The following STK32B variants were observed in gnomAD, a reference collection of about 807,000 sequenced individuals.
STK32B encodes the protein serine/threonine-protein kinase 32B.
In STK32B, 43 loss-of-function variants were observed where a neutral mutation model predicts 52.6. The ratio of observed to expected loss-of-function variants is 0.82; its 90% CI spans 0.64 to 1.05. The LOEUF is 1.05. STK32B is among the 50% of genes least tolerant of loss of function. The probability of loss-of-function intolerance (pLI) is 0.00; values close to 1 mark genes in which losing one functional copy is unlikely to be tolerated. For synonymous variants in STK32B, 238 were observed against 204.3 expected, an observed-to-expected ratio of 1.17 and a Z score of -1.41; for missense variants, 621 against 534.6, an observed-to-expected ratio of 1.16 and a Z score of -1.59.
At chr4:5,163,329 A>G (rs1488956564) in intron 2 of STK32B, among the ~76,000 whole-genome samples, 1 of 152,146 alleles carries the variant, frequency 6.6e-6, no homozygotes, top group Non-Finnish European at 1.5e-5. Context: ...GGGATTTATA[A>G]TACAGTGTGT....
rs1423913776 is a variant in STK32B, at chr4:5,240,226, CA to C, written c.260+71777del. Among the ~76,000 whole-genome samples the C allele has an allele frequency of 5.3e-5, 8 of 152,150 alleles. No homozygotes were observed. The South Asian group carries it at 1.5e-3, about 28-fold the overall frequency. ...AAATAGTTCTTCTGTAGTATTCTGT[CA>C]TCCCCGAGACTCCTACCACACATGT... On this transcript the variant is annotated intron_variant, in intron 3 of 11. Transcript: ENST00000282908.
intron 6 of STK32B, among the ~76,000 whole-genome samples, chr4:5,427,452 C>A (rs1463455278): frequency 6.6e-6 from 1 of 152,078 alleles, no homozygotes; most frequent in African/African-American, 2.4e-5. Flanking sequence ...AAAAAATATG[C>A]CCAAGATTGG....
intron 1 of STK32B, among the ~76,000 whole-genome samples, chr4:5,100,718 C>T (rs1200462978): frequency 2.5e-5 from 1 of 40,622 alleles, no homozygotes; most frequent in South Asian, 1.0e-3. Flanking sequence ...TTCTTCCTTC[C>T]CTCCTTCCCT....
intron 6 of STK32B, among the ~76,000 whole-genome samples, chr4:5,426,646 C>T (rs371390543): frequency 7.9e-6 from 1 of 126,038 alleles, no homozygotes; most frequent in East Asian, 2.4e-4. Context: ...GCCAAGATCG[C>T]ATCACTGCAC....
intron 3 of STK32B, among the ~76,000 whole-genome samples, chr4:5,246,724 A>G (rs778963031): frequency 9.9e-5 from 15 of 152,108 alleles, no homozygotes; most frequent in Non-Finnish European, 1.8e-4. Flanking sequence ...TTGGTCTTTG[A>G]TGATGGTGAC....
intron 11 of STK32B, among the ~76,000 whole-genome samples, chr4:5,495,406 A>T (rs1161328823): frequency 6.6e-6 from 1 of 151,980 alleles, no homozygotes; most frequent in African/African-American, 2.4e-5. Context: ...GTAGTTCTCG[A>T]GCCTTGGCTT....
intron 11 of STK32B, among the ~76,000 whole-genome samples, chr4:5,481,486 C>G (rs1718703454): frequency 6.6e-6 from 1 of 151,918 alleles, no homozygotes. Flanking sequence ...GAATATTAGC[C>G]CATTGTCAGA....
intron 2 of STK32B, among the ~76,000 whole-genome samples, chr4:5,148,109 G>A (rs1046500915): frequency 1.2e-4 from 18 of 151,650 alleles, no homozygotes; most frequent in Admixed American, 3.3e-4. Context: ...GTGTTTTTTC[G>A]TATATAACTT....
chr4:5,343,151 C>T (rs547437526), intron 4 of STK32B, among the ~76,000 whole-genome samples: 63 of 146,740 alleles, frequency 4.3e-4, no homozygotes, highest in Non-Finnish European at 8.2e-4. Context: ...TTCCTGTGTC[C>T]GTGTGTTCTC....
At chr4:5,180,288 G>A (rs1376364322) in intron 3 of STK32B, among the ~76,000 whole-genome samples, 1 of 152,208 alleles carries the variant, frequency 6.6e-6, no homozygotes, top group Non-Finnish European at 1.5e-5. Flanking sequence ...GTTCTTACAG[G>A]TGGCTGGCCA....
At chr4:5,485,930 C>G (rs1719152335) in intron 11 of STK32B, among the ~76,000 whole-genome samples, 1 of 152,196 alleles carries the variant, frequency 6.6e-6, no homozygotes, top group African/African-American at 2.4e-5. Context: ...ATGTTGCTGC[C>G]TGATCATTCC....
intron 3 of STK32B, among the ~76,000 whole-genome samples, chr4:5,313,952 G>A (rs1018707428): frequency 6.6e-6 from 1 of 152,040 alleles, no homozygotes; most frequent in African/African-American, 2.4e-5. Flanking sequence ...TAAATAAGTG[G>A]GGAAACACAT....
At chr4:5,439,857 G>C (rs1287056235) in intron 6 of STK32B, among the ~76,000 whole-genome samples, 1 of 151,826 alleles carries the variant, frequency 6.6e-6, no homozygotes, top group African/African-American at 2.4e-5. Flanking sequence ...TTATTAAATA[G>C]GGAATCCTTT....
At chr4:5,239,298 C>T (rs1342778860) in intron 3 of STK32B, among the ~76,000 whole-genome samples, 1 of 152,096 alleles carries the variant, frequency 6.6e-6, no homozygotes, top group African/African-American at 2.4e-5. Flanking sequence ...GCAAATAATG[C>T]ATGGGTGGGA....
chr4:5,045,810 A>G, the STK32B span, among the ~76,000 whole-genome samples: 1 of 152,116 alleles, frequency 6.6e-6, no homozygotes, highest in Non-Finnish European at 1.5e-5. Context: ...TTTGGGGCTG[A>G]GATGATGGGG....
In STK32B at chr4:5,051,649, G is replaced by A. The variant is rs868379386; in HGVS notation, c.-215G>A. 1 of 552,916 alleles carries A rather than the reference G, an allele frequency of 1.8e-6. No individual in the cohort carries two copies. Among genetic ancestry groups the A allele is most frequent in the South Asian group, 2.5e-5 (1 of 39,558 alleles). 34.3% of individuals were successfully genotyped at this position (552,916 alleles called of 1,614,324 possible). ...GGCGGGGCACGGCGGAAGGCGCGGCGAGAGCGGGGTCCCTGCGAGCGCAGT... is the reference window on the plus strand; with the variant it reads ...GGCGGGGCACGGCGGAAGGCGCGGCAAGAGCGGGGTCCCTGCGAGCGCAGT... On this transcript the variant is annotated 5_prime_UTR_variant, in exon 1 of 12. Transcript: ENST00000282908.
At position 5,400,318 on chromosome 4, in the gene STK32B, A is replaced by G. The variant is rs1245742305; in HGVS notation, c.472+2074A>G. ...CCATTCCGCCTCCCTTTCTGTACCC[A>G]TTCTCAGCCTCCACCTCAGCCTTCC... On this transcript the variant is annotated intron_variant, in intron 5 of 11. Transcript: ENST00000282908. The surrounding 1 kb of genome is among the most constrained non-coding windows in gnomAD (Gnocchi z 6.1). 2.0e-5 allele frequency among the ~76,000 whole-genome samples: 3 copies of G among 151,982 alleles called. No individual in the cohort carries two copies. The highest frequency in any genetic ancestry group is 6.6e-5 in the Admixed American group (1 of 15,260).
chr4:5,402,908 G>A (rs1007154915), intron 5 of STK32B, among the ~76,000 whole-genome samples: 10 of 152,172 alleles, frequency 6.6e-5, no homozygotes, highest in Non-Finnish European at 1.3e-4. Flanking sequence ...GAAGCATGCC[G>A]GAGGTCAGTA....
At chr4:5,114,713 G>A (rs6446323) in intron 1 of STK32B, among the ~76,000 whole-genome samples, 8,740 of 152,226 alleles carry the variant, frequency 0.057, 721 homozygotes, top group African/African-American at 0.18. Context: ...GTCTTCCAAT[G>A]AAAAGGAGAC....
Sources: gnomAD v4.1 joint callset for allele counts (sites outside exome capture counted in the v4.1 genomes callset) on GRCh38, gnomAD v4.1.1 for gene constraint, Gnocchi (gnomAD v3.1) non-coding constraint, MANE v1.5 for transcripts, NCBI Gene and HGNC (gene_info 2026-07-23, HGNC 2026-07-21) for gene names.